SV2B: variants seen among roughly 807,000 people sequenced by gnomAD.
SV2B encodes solute carrier family 22 member B2.
Under a neutral mutation model 73.9 loss-of-function variants are expected in SV2B, and 41 were observed. The ratio of observed to expected loss-of-function variants is 0.56; its 90% CI spans 0.43 to 0.72. The LOEUF (loss-of-function observed/expected upper bound fraction) is 0.72, where lower values mean the gene tolerates loss of function less well. SV2B is among the 30% of genes least tolerant of loss of function. The pLI is 0.00. For missense variants in SV2B, 764 were observed against 857.8 expected, an observed-to-expected ratio of 0.89 and a Z score of 1.37; for synonymous variants, 314 against 314.2, an observed-to-expected ratio of 1.00 and a Z score of 0.01.
intron 1 of SV2B, among the ~76,000 whole-genome samples, chr15:91,206,560 G>C (rs568524283): frequency 6.6e-6 from 1 of 152,310 alleles, no homozygotes; most frequent in African/African-American, 2.4e-5. Flanking sequence ...AAAACTTGCA[G>C]TTTGCTTGGG....
At position 91,252,401 on chromosome 15, in the gene SV2B, A is replaced by C; in HGVS notation, c.665A>C (p.Tyr222Ser). The C allele has an allele frequency of 6.2e-7, 1 of 1,611,628 alleles. No homozygotes were observed. The highest frequency in any genetic ancestry group is 8.5e-7 in the Non-Finnish European group (1 of 1,179,116). Residue 222 changes from tyrosine to serine, a missense_variant, in exon 4 of 13, where the codon TAT becomes TCT. Coordinates refer to ENST00000394232, the MANE Select transcript of SV2B (RefSeq NM_001323032.3). The surrounding 1 kb of genome is among the most constrained non-coding windows in gnomAD (Gnocchi z 4.6). ...IGGALPIVFA[Y>S]FSEFLSREKR... Reference sequence around the variant, plus strand: ...GGTGCTCTACCGATTGTTTTTGCCTATTTTTCTGAATTCTTGTCTCGGGAG... The same window carrying C: ...GGTGCTCTACCGATTGTTTTTGCCTCTTTTTCTGAATTCTTGTCTCGGGAG...
In SV2B at chr15:91,239,029, T is replaced by A. The variant is rs977681; in HGVS notation, c.451+12315T>A. 0.36 allele frequency among the ~76,000 whole-genome samples: 54,499 copies of A among 152,048 alleles called. 14,983 individuals carry two copies. The highest frequency in any genetic ancestry group is 0.78 in the African/African-American group (32,208 of 41,450). ...TGAACTGATTTTCACTTTGCAAAGG[T>A]TTGATTTTAATTTCAGAGAAGAAAG... On this transcript the variant is annotated intron_variant, in intron 2 of 12. Coordinates refer to ENST00000394232, the MANE Select transcript of SV2B (RefSeq NM_001323032.3). The surrounding 1 kb of genome is among the most constrained non-coding windows in gnomAD (Gnocchi z 5.1).
At chr15:91,185,053 T>C (rs2044719270) in intron 1 of SV2B, among the ~76,000 whole-genome samples, 1 of 152,224 alleles carries the variant, frequency 6.6e-6, no homozygotes, top group Non-Finnish European at 1.5e-5. Context: ...GTTCTGTCCA[T>C]CCAATTGAAT....
At chr15:91,244,241 A>G (rs1457119395) in intron 2 of SV2B, among the ~76,000 whole-genome samples, 1 of 152,240 alleles carries the variant, frequency 6.6e-6, no homozygotes, top group African/African-American at 2.4e-5. Flanking sequence ...CATGTGATCT[A>G]TCACAGTGTC....
chr15:91,219,848 AT>A (rs1890503283), intron 1 of SV2B, among the ~76,000 whole-genome samples: 1 of 152,218 alleles, frequency 6.6e-6, no homozygotes, highest in Non-Finnish European at 1.5e-5. Flanking sequence ...GGATTTGCAT[AT>A]TCTGGATATT....
In SV2B at chr15:91,295,608, G is replaced by A. The variant is rs1285962002; in HGVS notation, c.*3056G>A. Reference sequence around the variant, plus strand: ...TGAGGAGTGGGCGAGAAGGCCTAAGGTGATGCTCTCATGACAGTTCTGGGG... The same window carrying A: ...TGAGGAGTGGGCGAGAAGGCCTAAGATGATGCTCTCATGACAGTTCTGGGG... On this transcript the variant is annotated 3_prime_UTR_variant, in exon 13 of 13. Transcript: ENST00000394232. 1 of 152,210 alleles carries A rather than the reference G, an allele frequency of 6.6e-6. No individual in the cohort carries two copies. Among genetic ancestry groups the A allele is most frequent in the East Asian group, 1.9e-4 (1 of 5,186 alleles). 9.4% of individuals were successfully genotyped at this position (152,210 alleles called of 1,614,324 possible). A position where few individuals can be genotyped will look rare whatever the true frequency, so the allele number is the denominator to read the frequency against.
intron 2 of SV2B, among the ~76,000 whole-genome samples, chr15:91,247,652 C>CT (rs1437996546): frequency 1.3e-5 from 2 of 152,274 alleles, no homozygotes; most frequent in African/African-American, 4.8e-5. Flanking sequence ...AATGTGGCCT[C>CT]TGCTAATTGG....
At chr15:91,250,375 A>T (rs1361531857) in intron 2 of SV2B, among the ~76,000 whole-genome samples, 7 of 152,310 alleles carry the variant, frequency 4.6e-5, no homozygotes, top group Non-Finnish European at 7.4e-5. Flanking sequence ...GCAAGCCCAC[A>T]ACTGACAATC....
Position 91,258,867 on chromosome 15 carries a change from G to A in SV2B, c.918+313G>A, listed in dbSNP as rs957555971. Among the ~76,000 whole-genome samples the A allele has an allele frequency of 6.6e-5, 10 of 150,502 alleles. No homozygotes were observed. The highest frequency in any genetic ancestry group is 4.6e-4 in the Admixed American group (7 of 15,086). Reference sequence around the variant, plus strand: ...TGCCTCATGGCACCCACTGTCCCCCGAGGTCCTGATTAGGAAGTTTTTTAG... The same window carrying A: ...TGCCTCATGGCACCCACTGTCCCCCAAGGTCCTGATTAGGAAGTTTTTTAG... On this transcript the variant is annotated intron_variant, in intron 5 of 12. Transcript: ENST00000394232. The surrounding 1 kb of genome is among the most constrained non-coding windows in gnomAD (Gnocchi z 4.7).
intron 1 of SV2B, among the ~76,000 whole-genome samples, chr15:91,171,207 A>G (rs748095256): frequency 2.0e-5 from 3 of 152,202 alleles, no homozygotes; most frequent in African/African-American, 4.8e-5. Context: ...GCTCTGAAAC[A>G]TAGCTCTGCT....
rs531847016 is a variant in SV2B, at chr15:91,106,345, C to G, written c.-392+5982C>G. ...ATCATTAGCATGTTATTTATTTTTC[C>G]GTGAGCCAAGTCACTGCTGTATCAC... On this transcript the variant is annotated intron_variant, in intron 1 of 12. Transcript: ENST00000394232. The surrounding 1 kb of genome is among the most constrained non-coding windows in gnomAD (Gnocchi z 4.4). 6.6e-6 allele frequency among the ~76,000 whole-genome samples: 1 copy of G among 152,118 alleles called. No homozygotes were observed. Among genetic ancestry groups the G allele is most frequent in the Admixed American group, 6.5e-5 (1 of 15,286 alleles).
rs1332588623 is a variant in SV2B at position 91,139,754 on chromosome 15, T to C, written c.-392+39391T>C. Among the ~76,000 whole-genome samples, 1 of 152,184 alleles carries C rather than the reference T, an allele frequency of 6.6e-6. No homozygotes were observed. Among genetic ancestry groups the C allele is most frequent in the Non-Finnish European group, 1.5e-5 (1 of 68,032 alleles). On this transcript the variant is annotated intron_variant, in intron 1 of 12. Transcript: ENST00000394232. This position sits in a 1 kb window ranked among gnomAD's most constrained non-coding sequence, Gnocchi z 5.2. ...TAGGGTGACTGTAACAATTATCATC[T>C]AAACTGAGACACTTTTGAGGATGCA...
chr15:91,249,542 T>C (rs768133096), intron 2 of SV2B, among the ~76,000 whole-genome samples: 2 of 152,206 alleles, frequency 1.3e-5, no homozygotes, highest in Non-Finnish European at 2.9e-5. Context: ...AACAAATGCT[T>C]ATCTGTAAAG....
rs139302270 is a variant in SV2B, at chr15:91,140,038, G to T, written c.-392+39675G>T. ...TAGCATCCGCATCACCTGGGAGCTT[G>T]CTAGAAATGCAGGCTCTTGGGTCCT... On this transcript the variant is annotated intron_variant, in intron 1 of 12. Coordinates refer to ENST00000394232, the MANE Select transcript of SV2B (RefSeq NM_001323032.3). The surrounding 1 kb of genome is among the most constrained non-coding windows in gnomAD (Gnocchi z 4.4). Among the ~76,000 whole-genome samples the T allele has an allele frequency of 3.3e-5, 5 of 152,294 alleles. No homozygotes were observed. The East Asian group carries it at 9.7e-4, about 29-fold the overall frequency.
intron 1 of SV2B, among the ~76,000 whole-genome samples, chr15:91,174,909 C>T (rs201847105): frequency 5.9e-5 from 9 of 152,168 alleles, no homozygotes; most frequent in East Asian, 3.9e-4. Context: ...GTCTGGGGTC[C>T]GGGAGACTTC....
intron 1 of SV2B, among the ~76,000 whole-genome samples, chr15:91,133,296 G>GAAAC (rs534577274): frequency 2.8e-4 from 42 of 152,118 alleles, no homozygotes; most frequent in Admixed American, 8.5e-4. Context: ...GGGTTTTGAT[G>GAAAC]AAACAAACAA....
intron 1 of SV2B, among the ~76,000 whole-genome samples, chr15:91,133,532 C>T (rs1486912292): frequency 2.0e-5 from 3 of 152,102 alleles, no homozygotes; most frequent in Non-Finnish European, 2.9e-5. Flanking sequence ...GCTTCGACTT[C>T]GGCTTGAACC....
rs1467261727 is a variant in SV2B, at chr15:91,229,026, C to G, written c.451+2312C>G. Reference sequence around the variant, plus strand: ...GTTGAGCAGGGGTTTGACCGAAGGTCTATTTGACTTCAAAGTCTATGCCCA... The same window carrying G: ...GTTGAGCAGGGGTTTGACCGAAGGTGTATTTGACTTCAAAGTCTATGCCCA... On this transcript the variant is annotated intron_variant, in intron 2 of 12. Transcript: ENST00000394232. The surrounding 1 kb of genome is among the most constrained non-coding windows in gnomAD (Gnocchi z 4.3). Among the ~76,000 whole-genome samples the G allele has an allele frequency of 6.6e-6, 1 of 152,228 alleles. No homozygotes were observed. Among genetic ancestry groups the G allele is most frequent in the East Asian group, 1.9e-4 (1 of 5,200 alleles).
chr15:91,142,513 A>G (rs1000241868), intron 1 of SV2B, among the ~76,000 whole-genome samples: 15 of 152,358 alleles, frequency 9.8e-5, no homozygotes, highest in African/African-American at 3.4e-4. Flanking sequence ...AATGGAGAGA[A>G]AGACTAGATC....
Sources: gnomAD v4.1 joint callset for allele counts (sites outside exome capture counted in the v4.1 genomes callset) on GRCh38, gnomAD v4.1.1 for gene constraint, Gnocchi (gnomAD v3.1) non-coding constraint, MANE v1.5 for transcripts, NCBI Gene and HGNC (gene_info 2026-07-23, HGNC 2026-07-21) for gene names.